Variants in SCRG1 observed in about 807,000 individuals in gnomAD.
The protein encoded by SCRG1 is scrapie-responsive protein 1.
In SCRG1, 3 loss-of-function variants were observed where a neutral mutation model predicts 7.7. That is an observed-to-expected ratio of 0.39 (90% confidence interval 0.18 to 1.01). SCRG1 has a LOEUF of 1.01. SCRG1 is among the 50% of genes least tolerant of loss of function. The pLI, the probability that SCRG1 is intolerant of heterozygous loss-of-function variation, is 0.36. For missense variants in SCRG1, 110 were observed against 117.2 expected, an observed-to-expected ratio of 0.94 and a Z score of 0.28; for synonymous variants, 46 against 41.2, an observed-to-expected ratio of 1.12 and a Z score of -0.44.
At chr4:173,422,716 G>A in the SCRG1 span, among the ~76,000 whole-genome samples, 10 of 152,136 alleles carry the variant, frequency 6.6e-5, no homozygotes, top group Admixed American at 2.0e-4. Flanking sequence ...AAAAGGGACA[G>A]GAGATTAACA....
At chr4:173,401,509 G>C (rs1322711438), upstream of SCRG1, among the ~76,000 whole-genome samples, 4 of 152,140 alleles carry the variant, frequency 2.6e-5, no homozygotes, top group Non-Finnish European at 5.9e-5. Flanking sequence ...TTATTTCCCT[G>C]TGTGTCTAAT....
the SCRG1 span, among the ~76,000 whole-genome samples, chr4:173,478,086 C>A: frequency 6.6e-6 from 1 of 152,122 alleles, no homozygotes; most frequent in Non-Finnish European, 1.5e-5. Context: ...AAAAACTGGG[C>A]TTGGCTCCCC....
At chr4:173,406,946 G>A (rs1331989662), upstream of SCRG1, among the ~76,000 whole-genome samples, 5 of 152,158 alleles carry the variant, frequency 3.3e-5, no homozygotes, top group East Asian at 1.9e-4. Context: ...GGTGGCTCAC[G>A]CCTGTAATCT....
chr4:173,417,103 C>T, the SCRG1 span, among the ~76,000 whole-genome samples: 1 of 151,806 alleles, frequency 6.6e-6, no homozygotes, highest in Admixed American at 6.6e-5. Context: ...ACACACAACA[C>T]ACACACACAC....
chr4:173,513,765 C>T, the SCRG1 span, among the ~76,000 whole-genome samples: 8 of 152,294 alleles, frequency 5.3e-5, no homozygotes, highest in East Asian at 1.9e-4. Context: ...ACTGGAGCAA[C>T]CTGCATTATT....
chr4:173,489,243 T>A, the SCRG1 span, among the ~76,000 whole-genome samples: 2 of 152,192 alleles, frequency 1.3e-5, no homozygotes, highest in Non-Finnish European at 2.9e-5. Flanking sequence ...AACTGTGCAG[T>A]CTTTCTAAGC....
In SCRG1 at chr4:173,406,344, C is replaced by T. The variant is rs543667494; in HGVS notation, c.-832G>A. ...TTAGTTTGACAGACTCTACTCATTT[C>T]CAAAGTTACATAGGTCTGCAACTTC... On this transcript the variant is annotated 5_prime_UTR_variant and NMD_transcript_variant, in exon 1 of 9. Coordinates refer to the SCRG1 transcript ENST00000512188. 7.2e-5 allele frequency: 11 copies of T among 152,300 alleles called. No homozygotes were observed. The East Asian group carries it at 1.9e-3, about 27-fold the overall frequency. 9.4% of individuals were successfully genotyped at this position (152,300 alleles called of 1,614,324 possible). A position where few individuals can be genotyped will look rare whatever the true frequency, so the allele number is the denominator to read the frequency against.
chr4:173,480,705 T>A, the SCRG1 span, among the ~76,000 whole-genome samples: 1 of 152,166 alleles, frequency 6.6e-6, no homozygotes, highest in African/African-American at 2.4e-5. Flanking sequence ...ATTAAGGAAT[T>A]ACTGTGAATT....
At chr4:173,407,038 T>C (rs1739927597), upstream of SCRG1, among the ~76,000 whole-genome samples, 2 of 151,284 alleles carry the variant, frequency 1.3e-5, no homozygotes. Flanking sequence ...TGAAACCCTG[T>C]CTCTACTAAA....
the SCRG1 span, among the ~76,000 whole-genome samples, chr4:173,434,722 T>G: frequency 6.6e-6 from 1 of 152,020 alleles, no homozygotes; most frequent in Non-Finnish European, 1.5e-5. Flanking sequence ...TTCCAGCTAC[T>G]TGGGGGGCTG....
chr4:173,409,646 T>C (rs867633920), upstream of SCRG1, among the ~76,000 whole-genome samples: 6 of 142,646 alleles, frequency 4.2e-5, no homozygotes, highest in South Asian at 1.1e-3. Flanking sequence ...TGGAGTGCAA[T>C]AGCGCAATCT....
At chr4:173,483,199 TTA>T in the SCRG1 span, among the ~76,000 whole-genome samples, 6 of 73,886 alleles carry the variant, frequency 8.1e-5, no homozygotes, top group African/African-American at 4.5e-4. Flanking sequence ...ATGATATATA[TTA>T]TATGATATAT....
the SCRG1 span, among the ~76,000 whole-genome samples, chr4:173,463,071 T>C: frequency 6.6e-6 from 1 of 152,058 alleles, no homozygotes; most frequent in Non-Finnish European, 1.5e-5. Context: ...AGAAAACAAC[T>C]AACAAAATGG....
intron 2 of SCRG1, chr4:173,404,254 G>A (rs1438450325): frequency 3.9e-5 from 6 of 152,140 alleles, no homozygotes; most frequent in Non-Finnish European, 8.8e-5. Flanking sequence ...TAAAACAACA[G>A]TACCTTTTTA....
the SCRG1 span, among the ~76,000 whole-genome samples, chr4:173,497,649 G>T: frequency 3.2e-5 from 1 of 31,594 alleles, no homozygotes; most frequent in Non-Finnish European, 1.4e-4. Flanking sequence ...AAGCAAGCAA[G>T]CAAAAAAAAA....
chr4:173,513,413 A>C, the SCRG1 span, among the ~76,000 whole-genome samples: 7 of 152,208 alleles, frequency 4.6e-5, no homozygotes, highest in African/African-American at 1.4e-4. Flanking sequence ...ATTTAAACTT[A>C]AAGTACATGA....
the SCRG1 span, among the ~76,000 whole-genome samples, chr4:173,488,899 T>C: frequency 6.6e-6 from 1 of 152,192 alleles, no homozygotes; most frequent in Non-Finnish European, 1.5e-5. Flanking sequence ...CTAGGATTAC[T>C]GGAGTTTGAA....
chr4:173,475,848 A>G, the SCRG1 span, among the ~76,000 whole-genome samples: 2 of 152,314 alleles, frequency 1.3e-5, no homozygotes, highest in East Asian at 1.9e-4. Context: ...ATAAAAAGAC[A>G]AATATGTAAC....
chr4:173,470,637 T>A, the SCRG1 span, among the ~76,000 whole-genome samples: 1 of 152,254 alleles, frequency 6.6e-6, no homozygotes, highest in Non-Finnish European at 1.5e-5. Flanking sequence ...ATGACCCTTT[T>A]AATATAGTTC....
Sources: gnomAD v4.1 joint callset for allele counts (sites outside exome capture counted in the v4.1 genomes callset) on GRCh38, gnomAD v4.1.1 for gene constraint, MANE v1.5 for transcripts, NCBI Gene and HGNC (gene_info 2026-07-23, HGNC 2026-07-21) for gene names.